Variants in PCDHGB1 observed in about 807,000 individuals in gnomAD.
The protein encoded by PCDHGB1 is protocadherin gamma-B1.
A neutral mutation model predicts 56.6 loss-of-function variants in PCDHGB1; 34 were observed. The ratio of observed to expected loss-of-function variants is 0.60; its 90% CI spans 0.46 to 0.80. PCDHGB1 has a LOEUF of 0.80. Ranked by LOEUF, PCDHGB1 falls within the 30% of genes least tolerant of loss-of-function variation. The probability of loss-of-function intolerance (pLI) is 0.00; values close to 1 mark genes in which losing one functional copy is unlikely to be tolerated. For synonymous variants in PCDHGB1, 561 were observed against 505.9 expected, an observed-to-expected ratio of 1.11 and a Z score of -1.46; for missense variants, 1,278 against 1,204.6, an observed-to-expected ratio of 1.06 and a Z score of -0.90.
At chr5:141,433,641 G>C (rs1177387884) in intron 1 of PCDHGB1, among the ~76,000 whole-genome samples, 1 of 152,104 alleles carries the variant, frequency 6.6e-6, no homozygotes, top group Admixed American at 6.5e-5. Flanking sequence ...TTTGAGACCA[G>C]CCTGACCAAC....
chr5:141,351,406 T>G lies in PCDHGB1; in HGVS notation c.1146T>G (p.Thr382=). Residue 382 remains threonine, a synonymous_variant, in exon 1 of 4, where the codon ACT becomes ACG. Coordinates refer to ENST00000523390, the MANE Select transcript of PCDHGB1 (RefSeq NM_018922.3). ...SGQNGMVTCY[T]QEEVPFKLES... ...AAAATGGCATGGTGACATGCTATAC[T>G]CAGGAAGAAGTTCCTTTCAAATTAG... The G allele has an allele frequency of 6.2e-7, 1 of 1,611,514 alleles. No homozygotes were observed.
In PCDHGB1 at chr5:141,494,634, T is replaced by C. The variant is rs917243803; in HGVS notation, c.2410-173T>C. The C allele has an allele frequency of 1.1e-5, 10 of 889,216 alleles. No individual in the cohort carries two copies. In the African/African-American group the frequency reaches 1.8e-4, roughly 16 times the overall value. 55.1% of individuals were successfully genotyped at this position (889,216 alleles called of 1,614,324 possible). A position where few individuals can be genotyped will look rare whatever the true frequency, so the allele number is the denominator to read the frequency against. On this transcript the variant is annotated intron_variant, in intron 1 of 3. Coordinates refer to ENST00000523390, the MANE Select transcript of PCDHGB1 (RefSeq NM_018922.3). ...CTTGGTTTCTGGTACCTCAGACCTC[T>C]GAGACCTGAGGTGTATTTTGTCTTT...
intron 1 of PCDHGB1, chr5:141,388,678 C>T (rs1347655255): frequency 5.6e-6 from 9 of 1,613,818 alleles, no homozygotes; most frequent in Non-Finnish European, 7.6e-6. Flanking sequence ...CTACAGGTGA[C>T]TGCCACGGAC....
At chr5:141,445,254 AAT>A (rs1214840265) in intron 1 of PCDHGB1, among the ~76,000 whole-genome samples, 49 of 152,350 alleles carry the variant, frequency 3.2e-4, no homozygotes, top group Non-Finnish European at 5.9e-5. Context: ...ATTGTGTGAG[AAT>A]ATAAGTCGAA....
chr5:141,365,018 G>T, intron 1 of PCDHGB1: 1 of 1,613,880 alleles, frequency 6.2e-7, no homozygotes, highest in Non-Finnish European at 8.5e-7. Context: ...GCACATCCGT[G>T]TTACGGTCCT....
At chr5:141,416,405 T>C (rs948190812) in intron 1 of PCDHGB1, 1 of 152,200 alleles carries the variant, frequency 6.6e-6, no homozygotes, top group Non-Finnish European at 1.5e-5. Context: ...TTTGTCTTTT[T>C]TGTTAAATTT....
Position 141,360,540 on chromosome 5 carries a change from GA to G in PCDHGB1, c.2409+7872del, listed in dbSNP as rs760797244. On this transcript the variant is annotated intron_variant, in intron 1 of 3. Transcript: ENST00000523390. ...ATGATAATACCCCGCTATTCAAACAGACTAAGATTAATTTAAAAATTGGCGA... is the reference window on the plus strand; with the variant it reads ...ATGATAATACCCCGCTATTCAAACAGCTAAGATTAATTTAAAAATTGGCGA... 3.1e-6 allele frequency: 5 copies of G among 1,613,812 alleles called. No homozygotes were observed. In the African/African-American group the frequency reaches 6.7e-5, roughly 22 times the overall value.
intron 1 of PCDHGB1, among the ~76,000 whole-genome samples, chr5:141,387,464 C>T (rs2240699): frequency 0.55 from 83,096 of 152,122 alleles, 25,275 homozygotes; most frequent in African/African-American, 0.83. Context: ...CCTAAAAATC[C>T]TCAAAGTTGG....
At chr5:141,498,793 T>C (rs2154592354) in intron 2 of PCDHGB1, among the ~76,000 whole-genome samples, 1 of 152,028 alleles carries the variant, frequency 6.6e-6, no homozygotes, top group Non-Finnish European at 1.5e-5. Context: ...ATTAGCCAGG[T>C]GTGGTGGTGC....
rs776293224 is a variant in PCDHGB1, at chr5:141,477,889, A to G, written c.2410-16918A>G. Reference sequence around the variant, plus strand: ...GTACCTCAGCTGGCCACCTAGTGTCACGGGTGGTAGGCTGGGACGCGGATG... The same window carrying G: ...GTACCTCAGCTGGCCACCTAGTGTCGCGGGTGGTAGGCTGGGACGCGGATG... On this transcript the variant is annotated intron_variant, in intron 1 of 3. Coordinates refer to ENST00000523390, the MANE Select transcript of PCDHGB1 (RefSeq NM_018922.3). This position sits in a 1 kb window ranked among gnomAD's most constrained non-coding sequence, Gnocchi z 4.9. The G allele has an allele frequency of 1.8e-5, 29 of 1,614,034 alleles. No individual in the cohort carries two copies. Among genetic ancestry groups the G allele is most frequent in the Non-Finnish European group, 2.5e-5 (29 of 1,180,026 alleles).
chr5:141,482,514 G>A (rs2099563611), intron 1 of PCDHGB1, among the ~76,000 whole-genome samples: 1 of 130,122 alleles, frequency 7.7e-6, no homozygotes. Flanking sequence ...CCAGAGTACA[G>A]TATGAGACAG....
chr5:141,426,691 G>A, intron 1 of PCDHGB1: 1 of 435,886 alleles, frequency 2.3e-6, no homozygotes, highest in South Asian at 1.6e-5. Context: ...CCCCAAAATA[G>A]CATTGTTTTA....
At chr5:141,439,547 T>C (rs2098120171) in intron 1 of PCDHGB1, among the ~76,000 whole-genome samples, 2 of 152,180 alleles carry the variant, frequency 1.3e-5, no homozygotes, top group Non-Finnish European at 2.9e-5. Context: ...CTCTCATTTC[T>C]TCAGGCTGCA....
chr5:141,398,237 T>G, intron 1 of PCDHGB1: 1 of 1,479,534 alleles, frequency 6.8e-7, no homozygotes, highest in Non-Finnish European at 9.2e-7. Context: ...CGCTACAGGA[T>G]TCCCGAGGAA....
chr5:141,361,147 C>T, intron 1 of PCDHGB1: 2 of 1,613,956 alleles, frequency 1.2e-6, no homozygotes, highest in Non-Finnish European at 8.5e-7. Flanking sequence ...AGTTGAAATT[C>T]TTGATGACAA....
At chr5:141,506,462 AAAAG>A (rs1396142744) in intron 3 of PCDHGB1, among the ~76,000 whole-genome samples, 1 of 151,856 alleles carries the variant, frequency 6.6e-6, no homozygotes, top group African/African-American at 2.4e-5. Flanking sequence ...AAAAAAAAAA[AAAAG>A]AGCACAGGCT....
chr5:141,422,259 C>T (rs751340056), intron 1 of PCDHGB1: 2 of 1,565,034 alleles, frequency 1.3e-6, no homozygotes, highest in Non-Finnish European at 1.7e-6. Flanking sequence ...TGAATGATAA[C>T]GCTCCAGAAA....
intron 1 of PCDHGB1, among the ~76,000 whole-genome samples, chr5:141,464,715 T>C (rs1013508667): frequency 2.0e-5 from 3 of 152,090 alleles, no homozygotes; most frequent in Admixed American, 2.0e-4. Flanking sequence ...AAATAGTTTT[T>C]CATATGTTTA....
rs757926227 is a variant in PCDHGB1, at chr5:141,432,889, G to A, written c.2410-61918G>A. 1.6e-5 allele frequency: 26 copies of A among 1,614,180 alleles called. No individual in the cohort carries two copies. In the East Asian group the frequency reaches 5.8e-4, roughly 36 times the overall value. On this transcript the variant is annotated intron_variant, in intron 1 of 3. Transcript: ENST00000523390. This position sits in a 1 kb window ranked among gnomAD's most constrained non-coding sequence, Gnocchi z 6.0. ...GCGTCTTCCTGGCCTTCGTCATCTT[G>A]CTGCTGGCGCTCAGGCTGCGGCGCT...
Sources: allele counts gnomAD v4.1 joint callset (sites outside exome capture counted in the v4.1 genomes callset), GRCh38; gene constraint gnomAD v4.1.1; non-coding constraint Gnocchi (gnomAD v3.1); transcripts MANE v1.5; gene names NCBI Gene and HGNC (gene_info 2026-07-23, HGNC 2026-07-21).